ZCCHC7: variants seen among roughly 807,000 people sequenced by gnomAD.
The protein encoded by ZCCHC7 is zinc finger CCHC domain-containing protein 7.
ZCCHC7 carries 35 observed loss-of-function variants against 52.0 expected under a neutral mutation model. That is an observed-to-expected ratio of 0.67 (90% CI 0.51 to 0.89). ZCCHC7 has a LOEUF of 0.89. Among genes scored for constraint, ZCCHC7 ranks in the 40% least tolerant of loss-of-function variants. ZCCHC7 has a pLI of 0.00. For missense variants in ZCCHC7, 574 were observed against 649.1 expected (o/e 0.88, Z 1.26); for synonymous variants, 217 against 221.5 (o/e 0.98, Z 0.18).
At chr9:37,280,351 A>G (rs917641910) in intron 2 of ZCCHC7, among the ~76,000 whole-genome samples, 11 of 152,328 alleles carry the variant, frequency 7.2e-5, no homozygotes, top group Middle Eastern at 3.4e-3. Flanking sequence ...AAGGACATAG[A>G]AGATCAGAGT....
chr9:37,127,396 A>C (rs1160028191), intron 2 of ZCCHC7, among the ~76,000 whole-genome samples: 1 of 152,184 alleles, frequency 6.6e-6, no homozygotes, highest in Non-Finnish European at 1.5e-5. Context: ...GGCACACAGA[A>C]TATATGGAAT....
At chr9:37,170,903 A>C (rs1453145132) in intron 2 of ZCCHC7, among the ~76,000 whole-genome samples, 1 of 152,208 alleles carries the variant, frequency 6.6e-6, no homozygotes, top group Non-Finnish European at 1.5e-5. Context: ...GGTAACACAC[A>C]GCCATCAAAG....
intron 2 of ZCCHC7, among the ~76,000 whole-genome samples, chr9:37,208,735 A>G (rs1175737452): frequency 1.3e-5 from 2 of 152,162 alleles, no homozygotes; most frequent in East Asian, 3.8e-4. Flanking sequence ...CCAATTCACC[A>G]TTATCATAGT....
At chr9:37,316,176 C>T (rs1021041050) in intron 5 of ZCCHC7, among the ~76,000 whole-genome samples, 1 of 152,024 alleles carries the variant, frequency 6.6e-6, no homozygotes, top group Admixed American at 6.6e-5. Context: ...TCTCCTGCCT[C>T]AGCCTCCCAA....
chr9:37,348,121 C>T (rs1456216367), intron 6 of ZCCHC7, among the ~76,000 whole-genome samples: 2 of 152,198 alleles, frequency 1.3e-5, no homozygotes, highest in Admixed American at 1.3e-4. Flanking sequence ...TACTCTTCAG[C>T]TCAGACTCTT....
intron 2 of ZCCHC7, among the ~76,000 whole-genome samples, chr9:37,206,328 TTC>T (rs1823911455): frequency 9.0e-6 from 1 of 111,612 alleles, no homozygotes; most frequent in Non-Finnish European, 1.8e-5. Flanking sequence ...TCCTCCCCAC[TTC>T]TCTCTCATTC....
In ZCCHC7 at chr9:37,215,891, T is replaced by G. The variant is rs989012503; in HGVS notation, c.611-86297T>G. ...TTGATTTAATTGTGTGTGTATATTTTTAAACATTTTAATTTTGTTATATAA... is the reference window on the plus strand; with the variant it reads ...TTGATTTAATTGTGTGTGTATATTTGTAAACATTTTAATTTTGTTATATAA... On this transcript the variant is annotated intron_variant, in intron 2 of 8. Transcript: ENST00000336755. Among the ~76,000 whole-genome samples, 22 of 152,346 alleles carry G rather than the reference T, an allele frequency of 1.4e-4. No individual in the cohort carries two copies. The East Asian group carries it at 2.7e-3, about 19-fold the overall frequency.
chr9:37,291,770 C>T (rs550141090), intron 2 of ZCCHC7, among the ~76,000 whole-genome samples: 3 of 152,028 alleles, frequency 2.0e-5, no homozygotes, highest in African/African-American at 4.8e-5. Context: ...CTTGGCTCAC[C>T]GCAACCTTCA....
At chr9:37,293,392 C>G (rs190970635) in intron 2 of ZCCHC7, among the ~76,000 whole-genome samples, 1 of 152,240 alleles carries the variant, frequency 6.6e-6, no homozygotes. Flanking sequence ...AAGAATGTAG[C>G]TTCCAGATTG....
intron 6 of ZCCHC7, among the ~76,000 whole-genome samples, chr9:37,330,365 C>A (rs1394249820): frequency 1.3e-5 from 2 of 151,560 alleles, no homozygotes; most frequent in East Asian, 3.9e-4. Context: ...CAGCTAGACT[C>A]GACTACATTA....
chr9:37,331,478 T>A (rs2118251865), intron 6 of ZCCHC7, among the ~76,000 whole-genome samples: 1 of 151,680 alleles, frequency 6.6e-6, no homozygotes, highest in South Asian at 2.1e-4. Context: ...TACTACAGAG[T>A]GGGTACCCCT....
At chr9:37,165,076 AT>A (rs1216789044) in intron 2 of ZCCHC7, among the ~76,000 whole-genome samples, 3 of 152,180 alleles carry the variant, frequency 2.0e-5, no homozygotes, top group Non-Finnish European at 4.4e-5. Flanking sequence ...CTTCTGTCAA[AT>A]TTATCCCTGA....
chr9:37,321,544 G>A (rs977224171), intron 5 of ZCCHC7, among the ~76,000 whole-genome samples: 1 of 152,056 alleles, frequency 6.6e-6, no homozygotes, highest in Admixed American at 6.6e-5. Context: ...TGAAAAGATC[G>A]CCTGGGGCCA....
At chr9:37,166,415 G>A (rs1411088966) in intron 2 of ZCCHC7, among the ~76,000 whole-genome samples, 2 of 151,938 alleles carry the variant, frequency 1.3e-5, no homozygotes, top group Admixed American at 1.3e-4. Context: ...ATAATAATAT[G>A]TGTAGAATCT....
At chr9:37,295,057 G>T (rs949220869) in intron 2 of ZCCHC7, among the ~76,000 whole-genome samples, 2 of 152,168 alleles carry the variant, frequency 1.3e-5, no homozygotes, top group Admixed American at 6.5e-5. Flanking sequence ...AAGATATAAA[G>T]ATAGAAATTA....
intron 2 of ZCCHC7, among the ~76,000 whole-genome samples, chr9:37,242,707 T>A (rs495304): frequency 0.23 from 34,713 of 151,710 alleles, 4,472 homozygotes; most frequent in African/African-American, 0.34. Flanking sequence ...TGAGATACTA[T>A]TGGAAATCTA....
At chr9:37,121,971 T>C (rs1409574532) in intron 1 of ZCCHC7, among the ~76,000 whole-genome samples, 1 of 152,240 alleles carries the variant, frequency 6.6e-6, no homozygotes, top group East Asian at 1.9e-4. Flanking sequence ...AACTGTCCTG[T>C]CAGGGCAGCT....
At chr9:37,210,339 T>C (rs1433006488) in intron 2 of ZCCHC7, among the ~76,000 whole-genome samples, 1 of 152,204 alleles carries the variant, frequency 6.6e-6, no homozygotes, top group Non-Finnish European at 1.5e-5. Context: ...GGCTGTACTT[T>C]TTCAGTGAGA....
At position 37,303,355 on chromosome 9, in the gene ZCCHC7, G is replaced by A. The variant is rs140140584; in HGVS notation, c.655-833G>A. Among the ~76,000 whole-genome samples the A allele has an allele frequency of 5.9e-5, 9 of 151,946 alleles. No individual in the cohort carries two copies. The East Asian group carries it at 1.7e-3, about 29-fold the overall frequency. Reference sequence around the variant, plus strand: ...CAGGAGAATCGCTTGAACCCAGGGAGGTAGAGGTTGCAGTGAGTCGAGATC... The same window carrying A: ...CAGGAGAATCGCTTGAACCCAGGGAAGTAGAGGTTGCAGTGAGTCGAGATC... On this transcript the variant is annotated intron_variant, in intron 3 of 8. Coordinates refer to ENST00000336755, the MANE Select transcript of ZCCHC7 (RefSeq NM_032226.3).
Sources: allele counts gnomAD v4.1 joint callset (sites outside exome capture counted in the v4.1 genomes callset), GRCh38; gene constraint gnomAD v4.1.1; transcripts MANE v1.5; gene names NCBI Gene and HGNC (gene_info 2026-07-23, HGNC 2026-07-21).